APLP1: variants seen among roughly 807,000 people sequenced by gnomAD.
The protein encoded by APLP1 is amyloid beta (A4) precursor-like protein 1.
In APLP1, 46 loss-of-function variants were observed where a neutral mutation model predicts 84.5. The ratio of observed to expected loss-of-function variants is 0.54; its 90% CI spans 0.43 to 0.70. The LOEUF (loss-of-function observed/expected upper bound fraction) is 0.70, where lower values mean the gene tolerates loss of function less well. Among genes scored for constraint, APLP1 ranks in the 30% least tolerant of loss-of-function variants. APLP1 has a pLI of 0.00. For missense variants in APLP1, 826 were observed against 900.2 expected (o/e 0.92, Z 1.05); for synonymous variants, 376 against 364.0 (o/e 1.03, Z -0.38).
intron 2 of APLP1, 99 bp downstream of exon 2, chr19:35,869,909 G>A: frequency 6.9e-7 from 1 of 1,448,142 alleles, no homozygotes; most frequent in Non-Finnish European, 9.2e-7. Flanking sequence ...CGTGGAGGCT[G>A]GGGGGCGTGG....
intron 2 of APLP1, chr19:35,870,667 C>G (rs1268334701): frequency 5.8e-6 from 3 of 517,916 alleles, no homozygotes; most frequent in Non-Finnish European, 9.9e-6. Flanking sequence ...GCCTGTAATC[C>G]CAGCTACTCA....
rs1263226728 is a variant in APLP1, at chr19:35,879,380, G to C, written c.1895G>C (p.Arg632Pro). 1.2e-6 allele frequency: 2 copies of C among 1,613,796 alleles called. No homozygotes were observed. The highest frequency in any genetic ancestry group is 3.3e-5 in the Admixed American group (2 of 59,996). ...PMLTLEEQQL[R>P]ELQRHGYENP... The stretch of plus-strand genomic sequence containing the variant: ...CTGACCCTGGAGGAGCAGCAGCTCC[G>C]CGAACTGCAGCGGCACGGCTATGAG... The change falls in exon 17 of 17, where the codon CGC (arginine) becomes CCC (proline). Residue 632 changes from arginine (R) to proline (P), a missense_variant. Arg to Pro is a moderately radical substitution (Grantham distance 103). This residue lies in a region of APLP1 where 433 missense variants were observed against 496.5 expected (regional missense o/e 0.87). Transcript: ENST00000221891.
Position 35,871,902 on chromosome 19 carries a change from G to C in APLP1, c.716G>C (p.Gly239Ala). The C allele has an allele frequency of 6.2e-7, 1 of 1,614,182 alleles. No homozygotes were observed. The highest frequency in any genetic ancestry group is 1.3e-5 in the African/African-American group (1 of 75,042). Reference protein sequence around the residue: ...RSWPPGSRVEGAEDEEEEESF... With the variant: ...RSWPPGSRVEAAEDEEEEESF... ...TGGCCCCCGGGGAGCAGAGTAGAGG[G>C]GGCTGAGGACGAGGAAGAGGAGGAA... The change falls in exon 6 of 17, where the codon GGG (glycine) becomes GCG (alanine). Residue 239 changes from glycine to alanine, a missense_variant. Transcript: ENST00000221891.
chr19:35,871,412 C>T, intron 4 of APLP1, 63 bp downstream of exon 4: 1 of 1,463,962 alleles, frequency 6.8e-7, no homozygotes, highest in Non-Finnish European at 9.4e-7. Flanking sequence ...CTCTAACACC[C>T]TCCGCCACCA....
In APLP1 at chr19:35,879,227, A is replaced by G. The variant is rs1974359224; in HGVS notation, c.1857+10A>G. On this transcript the variant is annotated intron_variant, in intron 16 of 16. Transcript: ENST00000221891. The stretch of plus-strand genomic sequence containing the variant: ...CCATGGCGTGGTGGAGGTGAGAACC[A>G]TGGCGTGGTGGAGGTGTGGGAAGAG... The G allele has an allele frequency of 1.2e-6, 2 of 1,611,488 alleles. No individual in the cohort carries two copies. Among genetic ancestry groups the G allele is most frequent in the Non-Finnish European group, 1.7e-6 (2 of 1,179,022 alleles).
intron 11 of APLP1, 64 bp downstream of exon 11, chr19:35,876,680 T>G (rs1974288361): frequency 2.2e-6 from 3 of 1,334,494 alleles, no homozygotes. Context: ...CTCCTAAATG[T>G]TGGGCCCCCC....
Position 35,879,418 on chromosome 19 carries a change from C to G in APLP1, c.1933C>G (p.Arg645Gly). The G allele has an allele frequency of 1.2e-6, 2 of 1,613,594 alleles. No individual in the cohort carries two copies. Among genetic ancestry groups the G allele is most frequent in the Non-Finnish European group, 1.7e-6 (2 of 1,180,026 alleles). ...QRHGYENPTY[R>G]FLEERP ...GCACGGCTATGAGAACCCCACTTAC[C>G]GCTTCCTGGAGGAACGACCCTGACC... Residue 645 changes from arginine (R) to glycine (G), a missense_variant, in exon 17 of 17, where the codon CGC becomes GGC. By Grantham distance (125) the Arg-to-Gly change is moderately radical. Coordinates refer to ENST00000221891, the MANE Select transcript of APLP1 (RefSeq NM_001024807.3).
Position 35,869,231 on chromosome 19 carries a change from C to T in APLP1, c.148-436C>T, listed in dbSNP as rs1009181296. On this transcript the variant is annotated intron_variant, in intron 1 of 16. Transcript: ENST00000221891. ...CCCCAACCAGATGTAGCTCTCCAGT[C>T]CTCAAGGACCTGGTGTCCAGGACTG... 3.4e-5 allele frequency: 15 copies of T among 438,962 alleles called. No individual in the cohort carries two copies. In the Admixed American group the frequency reaches 4.7e-4, roughly 14 times the overall value. 27.2% of individuals were successfully genotyped at this position (438,962 alleles called of 1,614,324 possible).
At chr19:35,871,567 C>T in intron 4 of APLP1, 45 bp from the exon 5 acceptor site, 2 of 1,610,882 alleles carry the variant, frequency 1.2e-6, no homozygotes, top group Non-Finnish European at 1.7e-6. Context: ...CCATCTACCC[C>T]CTCCCATCCC....
At chr19:35,871,523 C>T (rs1974146981) in intron 4 of APLP1, 89 bp from the exon 5 acceptor site, 1 of 1,528,322 alleles carries the variant, frequency 6.5e-7, no homozygotes, top group East Asian at 2.3e-5. Context: ...AGGCTCCCAG[C>T]CTCATCAACC....
intron 6 of APLP1, 56 bp downstream of exon 6, chr19:35,872,092 G>A (rs1974169937): frequency 6.4e-7 from 1 of 1,569,148 alleles, no homozygotes; most frequent in African/African-American, 1.4e-5. Context: ...GAAAGATCTG[G>A]GGGAGTCTTG....
chr19:35,876,484 C>T (rs769529097), intron 10 of APLP1, 33 bp from the exon 11 acceptor site: 3 of 1,565,002 alleles, frequency 1.9e-6, no homozygotes, highest in Middle Eastern at 1.8e-4. Flanking sequence ...GCCTGCATTG[C>T]GCAGTTCATC....
intron 7 of APLP1, among the ~76,000 whole-genome samples, chr19:35,872,924 A>G (rs1390299631): frequency 6.7e-6 from 1 of 150,370 alleles, no homozygotes; most frequent in Non-Finnish European, 1.5e-5. Flanking sequence ...CAATGGTGCG[A>G]TCTCGGCCCA....
Position 35,876,616 on chromosome 19 carries a change from C to A in APLP1, c.1444C>A (p.Gln482Lys), listed in dbSNP as rs372591248. ...HLAQELRPQI[Q>K]ELLHSEHLGP... ...GGCTCAGGAGCTGCGGCCCCAAATC[C>A]GTGAGTGTCTATTACCCTGGCTCCC... The change falls in exon 11 of 17, where the codon CAG becomes AAG. Residue 482 changes from glutamine (Q) to lysine (K), a missense_variant and splice_region_variant. Transcript: ENST00000221891. 2.5e-6 allele frequency: 4 copies of A among 1,609,440 alleles called. No individual in the cohort carries two copies. The highest frequency in any genetic ancestry group is 3.4e-6 in the Non-Finnish European group (4 of 1,177,440).
chr19:35,871,041 C>A lies in APLP1; in HGVS notation c.424+13C>A, dbSNP rs774596342. On this transcript the variant is annotated intron_variant, in intron 3 of 16. Coordinates refer to ENST00000221891, the MANE Select transcript of APLP1 (RefSeq NM_001024807.3). The stretch of plus-strand genomic sequence containing the variant: ...TTCCGCTGCCTGCGTGAGTCCCAGG[C>A]GGGGAGAGGGGAACTGAGGTGGGAG... The A allele has an allele frequency of 2.0e-6, 3 of 1,514,002 alleles. No individual in the cohort carries two copies. In the South Asian group the frequency reaches 3.9e-5, roughly 20 times the overall value. 93.8% of individuals were successfully genotyped at this position (1,514,002 alleles called of 1,614,324 possible).
intron 12 of APLP1, 37 bp downstream of exon 12, chr19:35,877,862 G>A: frequency 6.5e-7 from 1 of 1,545,354 alleles, no homozygotes; most frequent in Non-Finnish European, 8.9e-7. Context: ...CCAGACATTA[G>A]GGAACAGGCC....
Position 35,879,527 on chromosome 19 carries a change from G to T in APLP1, c.*86G>T. 1 of 1,208,596 alleles carries T rather than the reference G, an allele frequency of 8.3e-7. No homozygotes were observed. Among genetic ancestry groups the T allele is most frequent in the Non-Finnish European group, 1.2e-6 (1 of 826,758 alleles). 74.9% of individuals were successfully genotyped at this position (1,208,596 alleles called of 1,614,324 possible). A position where few individuals can be genotyped will look rare whatever the true frequency, so the allele number is the denominator to read the frequency against. Reference sequence around the variant, plus strand: ...CCCCAACTCCCAGCCTAGGGCAGCAGGGAGTCTTGAAGTGATCATTTCACA... The same window carrying T: ...CCCCAACTCCCAGCCTAGGGCAGCATGGAGTCTTGAAGTGATCATTTCACA... On this transcript the variant is annotated 3_prime_UTR_variant, in exon 17 of 17. Transcript: ENST00000221891.
At chr19:35,872,118 G>A in intron 6 of APLP1, 82 bp downstream of exon 6, 1 of 1,511,058 alleles carries the variant, frequency 6.6e-7, no homozygotes, top group South Asian at 1.3e-5. Flanking sequence ...GGGTGTCTTT[G>A]GGAGGGGCCT....
At chr19:35,877,959 G>T in intron 12 of APLP1, 123 bp from the exon 13 acceptor site, 1 of 1,318,082 alleles carries the variant, frequency 7.6e-7, no homozygotes, top group Non-Finnish European at 1.1e-6. Context: ...GTCTAAGGTT[G>T]CAGGGGCCTC....
Sources: allele counts gnomAD v4.1 joint callset (sites outside exome capture counted in the v4.1 genomes callset), GRCh38; gene constraint gnomAD v4.1.1; regional missense constraint gnomAD v4.1.1; transcripts MANE v1.5; gene names NCBI Gene and HGNC (gene_info 2026-07-23, HGNC 2026-07-21).